NTRK3: variants seen among roughly 807,000 people sequenced by gnomAD.
The protein encoded by NTRK3 is NT-3 growth factor receptor.
A neutral mutation model predicts 91.7 loss-of-function variants in NTRK3; 24 were observed. The observed-to-expected ratio is 0.26, with a 90% confidence interval of 0.19 to 0.37. The LOEUF (loss-of-function observed/expected upper bound fraction) is 0.37, where lower values mean the gene tolerates loss of function less well. NTRK3 is among the 10% of genes least tolerant of loss of function. NTRK3 has a pLI of 1.00. For synonymous variants in NTRK3, 483 were observed against 404.0 expected, an observed-to-expected ratio of 1.20 and a Z score of -2.34; for missense variants, 880 against 1,068.9, an observed-to-expected ratio of 0.82 and a Z score of 2.46.
intron 14 of NTRK3, among the ~76,000 whole-genome samples, chr15:87,942,788 T>C (rs916461400): frequency 6.6e-6 from 1 of 152,226 alleles, no homozygotes; most frequent in African/African-American, 2.4e-5. Flanking sequence ...ACTTACCTAT[T>C]ACCTGAGCAT....
intron 13 of NTRK3, among the ~76,000 whole-genome samples, chr15:88,088,115 A>G (rs1208737526): frequency 6.6e-6 from 1 of 152,176 alleles, no homozygotes; most frequent in Non-Finnish European, 1.5e-5. Context: ...TAAAGCTGTT[A>G]AAAAATATGT....
At chr15:88,122,691 C>A (rs765845840) in intron 13 of NTRK3, among the ~76,000 whole-genome samples, 3 of 151,334 alleles carry the variant, frequency 2.0e-5, no homozygotes, top group African/African-American at 4.9e-5. Flanking sequence ...ATTAGTAGGC[C>A]CTCCCTATCG....
At chr15:88,040,958 G>C (rs1254610212) in intron 13 of NTRK3, among the ~76,000 whole-genome samples, 1 of 152,186 alleles carries the variant, frequency 6.6e-6, no homozygotes, top group Non-Finnish European at 1.5e-5. Flanking sequence ...AAATCACCTA[G>C]TCAGGAAGTG....
intron 17 of NTRK3, among the ~76,000 whole-genome samples, chr15:87,890,028 A>T (rs2065773919): frequency 6.6e-6 from 1 of 151,164 alleles, no homozygotes; most frequent in Non-Finnish European, 1.5e-5. Context: ...AATTTCTCAA[A>T]GTCTGTTTAT....
At chr15:88,050,527 G>T (rs868842229) in intron 13 of NTRK3, among the ~76,000 whole-genome samples, 22 of 148,350 alleles carry the variant, frequency 1.5e-4, no homozygotes, top group Admixed American at 6.7e-4. Flanking sequence ...ATGTGTGTGT[G>T]TGTTTGTATA....
rs1009237006 is a variant in NTRK3, at chr15:87,865,457, G to A, written c.*11478C>T. 8.4e-5 allele frequency: 18 copies of A among 214,108 alleles called. No homozygotes were observed. The South Asian group carries it at 1.1e-3, about 13-fold the overall frequency. 13.3% of individuals were successfully genotyped at this position (214,108 alleles called of 1,614,324 possible). On this transcript the variant is annotated 3_prime_UTR_variant, in exon 19 of 19. Transcript: ENST00000394480. The stretch of plus-strand genomic sequence containing the variant: ...TTCTCCGTGGGAATCCCACTCACAC[G>A]TATTTTTGTTGGCACTTGGGCCTAT...
intron 5 of NTRK3, among the ~76,000 whole-genome samples, chr15:88,165,611 T>G (rs1165047013): frequency 1.3e-5 from 2 of 152,206 alleles, no homozygotes; most frequent in African/African-American, 4.8e-5. Flanking sequence ...CTGTGTTTGT[T>G]AGGAGCTAAT....
intron 5 of NTRK3, among the ~76,000 whole-genome samples, chr15:88,151,180 C>G (rs1022322247): frequency 6.6e-6 from 1 of 152,186 alleles, no homozygotes; most frequent in African/African-American, 2.4e-5. Flanking sequence ...ATGCATCAAA[C>G]TCTTCCGCAA....
chr15:88,126,721 A>G (rs931089572), intron 12 of NTRK3, among the ~76,000 whole-genome samples: 6 of 152,236 alleles, frequency 3.9e-5, no homozygotes, highest in African/African-American at 1.4e-4. Context: ...AATTCCTTAT[A>G]TAACATTCTT....
exon 19 of NTRK3, chr15:87,872,001 G>C (rs577997037): frequency 2.2e-4 from 49 of 220,682 alleles, no homozygotes; most frequent in Admixed American, 8.6e-4. Flanking sequence ...TATGAAAAAA[G>C]AAAGTGGAGC....
intron 17 of NTRK3, among the ~76,000 whole-genome samples, chr15:87,919,735 G>A (rs1301846412): frequency 6.6e-6 from 1 of 152,180 alleles, no homozygotes; most frequent in Non-Finnish European, 1.5e-5. Flanking sequence ...AGAAGAAGAG[G>A]GTGGAGCAGA....
chr15:88,012,292 G>A (rs764758843), intron 14 of NTRK3, among the ~76,000 whole-genome samples: 10 of 152,266 alleles, frequency 6.6e-5, no homozygotes, highest in South Asian at 6.2e-4. Flanking sequence ...TAAGGGAAAC[G>A]TATTAACACA....
intron 13 of NTRK3, among the ~76,000 whole-genome samples, chr15:88,075,916 T>C (rs1446234042): frequency 6.6e-6 from 1 of 152,176 alleles, no homozygotes; most frequent in Non-Finnish European, 1.5e-5. Flanking sequence ...ATACGTACTT[T>C]CTATGAGATC....
At chr15:87,912,494 T>C (rs1567098705) in intron 17 of NTRK3, among the ~76,000 whole-genome samples, 2 of 152,148 alleles carry the variant, frequency 1.3e-5, no homozygotes, top group African/African-American at 4.8e-5. Flanking sequence ...GGGAGAATCA[T>C]GCCAGCCCAT....
rs2068603231 is a variant in NTRK3 at position 87,929,447 on chromosome 15, G to A, written c.1890-13C>T. 2.5e-6 allele frequency: 4 copies of A among 1,613,090 alleles called. No individual in the cohort carries two copies. The highest frequency in any genetic ancestry group is 3.4e-6 in the Non-Finnish European group (4 of 1,179,376). On this transcript the variant is annotated splice_polypyrimidine_tract_variant and intron_variant, in intron 16 of 18. Transcript: ENST00000394480. ...TGGCCCATGGGCCCTGCAAGAGCATGGGGAGAAGAGAGGGGGCAGAGAGAA... is the reference window on the plus strand; with the variant it reads ...TGGCCCATGGGCCCTGCAAGAGCATAGGGAGAAGAGAGGGGGCAGAGAGAA...
At chr15:87,987,483 CTCTA>C (rs996459549) in intron 14 of NTRK3, among the ~76,000 whole-genome samples, 1 of 151,172 alleles carries the variant, frequency 6.6e-6, no homozygotes, top group Non-Finnish European at 1.5e-5. Flanking sequence ...GTCTTTCTCT[CTCTA>C]TCTATATATC....
At chr15:88,089,841 C>T (rs141938444) in intron 13 of NTRK3, among the ~76,000 whole-genome samples, 23 of 152,316 alleles carry the variant, frequency 1.5e-4, no homozygotes, top group African/African-American at 3.8e-4. Context: ...CCCTGCGTTA[C>T]ACCCTCCACA....
chr15:87,939,151 G>C (rs2069566168), intron 15 of NTRK3, among the ~76,000 whole-genome samples: 1 of 152,112 alleles, frequency 6.6e-6, no homozygotes, highest in African/African-American at 2.4e-5. Flanking sequence ...TCCTATTCTA[G>C]ATAGTCATTG....
chr15:88,036,238 T>C (rs1374020740), intron 13 of NTRK3, among the ~76,000 whole-genome samples: 1 of 151,920 alleles, frequency 6.6e-6, no homozygotes, highest in East Asian at 1.9e-4. Flanking sequence ...AATTACAAAA[T>C]GCCAGAGCCC....
Sources: gnomAD v4.1 joint callset for allele counts (sites outside exome capture counted in the v4.1 genomes callset) on GRCh38, gnomAD v4.1.1 for gene constraint, MANE v1.5 for transcripts, NCBI Gene and HGNC (gene_info 2026-07-23, HGNC 2026-07-21) for gene names.